CYP27A1: variants seen among roughly 807,000 people sequenced by gnomAD.
CYP27A1 encodes cytochrome P450 family 27 subfamily A member 1.
CYP27A1 carries 46 observed loss-of-function variants against 58.2 expected under a neutral mutation model. The observed-to-expected ratio is 0.79, with a 90% CI of 0.62 to 1.01. The LOEUF (loss-of-function observed/expected upper bound fraction) is 1.01, where lower values mean the gene tolerates loss of function less well. Among genes scored for constraint, CYP27A1 ranks in the 50% least tolerant of loss-of-function variants. The probability of loss-of-function intolerance (pLI) is 0.00; values close to 1 mark genes in which losing one functional copy is unlikely to be tolerated. For synonymous variants in CYP27A1, 274 were observed against 285.1 expected, an observed-to-expected ratio of 0.96 and a Z score of 0.39; for missense variants, 704 against 687.0, an observed-to-expected ratio of 1.02 and a Z score of -0.28.
chr2:218,800,461 T>G (rs1267092557), intron 1 of CYP27A1, among the ~76,000 whole-genome samples: 1 of 152,074 alleles, frequency 6.6e-6, no homozygotes, highest in Non-Finnish European at 1.5e-5. Context: ...CACATGACCA[T>G]GAGACAAGCA....
chr2:218,790,103 T>C (rs929955935), intron 1 of CYP27A1, among the ~76,000 whole-genome samples: 14 of 152,312 alleles, frequency 9.2e-5, no homozygotes, highest in African/African-American at 3.4e-4. Flanking sequence ...CAATTTCTCC[T>C]CTTTTGGTCA....
rs1024898619 is a variant in CYP27A1, at chr2:218,814,753, C to A, written c.1472C>A (p.Ala491Glu). 2 of 1,613,962 alleles carry A rather than the reference C, an allele frequency of 1.2e-6. No homozygotes were observed. The highest frequency in any genetic ancestry group is 1.7e-6 in the Non-Finnish European group (2 of 1,180,016). ...IAELEMQLLL[A>E]RLIQKYKVVL... ...GAGCTGGAGATGCAGCTACTCCTCG[C>A]AAGGGTGAGCTGGGAGAGGCTAGTA... The change falls in exon 8 of 9, where the codon GCA (alanine) becomes GAA (glutamate). Residue 491 changes from alanine (A) to glutamate (E), a missense_variant. Transcript: ENST00000258415.
chr2:218,797,492 A>G (rs1943558901), intron 1 of CYP27A1, among the ~76,000 whole-genome samples: 1 of 152,238 alleles, frequency 6.6e-6, no homozygotes, highest in Admixed American at 6.5e-5. Flanking sequence ...ACCAAGGTAT[A>G]ACCTAAAGAA....
At chr2:218,810,792 TAAC>T (rs1284769350) in intron 2 of CYP27A1, among the ~76,000 whole-genome samples, 1 of 152,096 alleles carries the variant, frequency 6.6e-6, no homozygotes, top group Non-Finnish European at 1.5e-5. Context: ...AATTTTCCCT[TAAC>T]ATAATAAAGG....
chr2:218,788,618 A>G (rs1943461769), intron 1 of CYP27A1, among the ~76,000 whole-genome samples: 1 of 152,216 alleles, frequency 6.6e-6, no homozygotes, highest in Admixed American at 6.5e-5. Flanking sequence ...GTAGAATCGT[A>G]TGGAAGAAAA....
chr2:218,794,200 C>G (rs1943524035), intron 1 of CYP27A1, among the ~76,000 whole-genome samples: 1 of 152,196 alleles, frequency 6.6e-6, no homozygotes, highest in South Asian at 2.1e-4. Flanking sequence ...GCGGACCAGT[C>G]GGAGTTTCTC....
intron 1 of CYP27A1, among the ~76,000 whole-genome samples, chr2:218,803,907 A>G (rs1409667625): frequency 6.7e-6 from 1 of 149,590 alleles, no homozygotes; most frequent in Non-Finnish European, 1.5e-5. Flanking sequence ...TAATTTTTGT[A>G]TTTTTAGTAG....
intron 1 of CYP27A1, among the ~76,000 whole-genome samples, chr2:218,807,658 C>G (rs188370414): frequency 4.6e-5 from 7 of 152,250 alleles, no homozygotes; most frequent in Admixed American, 4.6e-4. Context: ...ACTCTGTCAT[C>G]TAGGCTGGAG....
chr2:218,809,535 C>A, intron 1 of CYP27A1, 42 bp from the exon 2 acceptor site: 1 of 1,584,960 alleles, frequency 6.3e-7, no homozygotes, highest in Non-Finnish European at 8.6e-7. Context: ...GGAGCACCTG[C>A]CCAGCTTGGC....
chr2:218,812,851 T>G, intron 4 of CYP27A1, 73 bp from the exon 5 acceptor site: 1 of 1,608,386 alleles, frequency 6.2e-7, no homozygotes, highest in Non-Finnish European at 8.5e-7. Flanking sequence ...CTACCAGTTG[T>G]CGGAGTGGCT....
At chr2:218,790,856 C>G (rs956029093) in intron 1 of CYP27A1, among the ~76,000 whole-genome samples, 10 of 152,068 alleles carry the variant, frequency 6.6e-5, no homozygotes, top group African/African-American at 2.2e-4. Context: ...CGCCACCACT[C>G]CCGGCTATAT....
At chr2:218,808,044 G>A (rs1410518007) in intron 1 of CYP27A1, among the ~76,000 whole-genome samples, 2 of 151,980 alleles carry the variant, frequency 1.3e-5, no homozygotes, top group Non-Finnish European at 2.9e-5. Context: ...ATCTATCTTG[G>A]ATATCTTTCT....
rs767761739 is a variant in CYP27A1, at chr2:218,782,451, G to C, written c.255+14G>C. 6.2e-7 allele frequency: 1 copy of C among 1,614,124 alleles called. No homozygotes were observed. The highest frequency in any genetic ancestry group is 2.2e-5 in the East Asian group (1 of 44,882). ...CACCAGTTACAGGTAACCCGCGGGG[G>C]CATCGCGTCCTGGGGATGGGAGTGG... On this transcript the variant is annotated intron_variant, in intron 1 of 8. Transcript: ENST00000258415. This position sits in a 1 kb window ranked among gnomAD's most constrained non-coding sequence, Gnocchi z 4.1.
At chr2:218,787,997 A>C (rs189734373) in intron 1 of CYP27A1, among the ~76,000 whole-genome samples, 3 of 152,334 alleles carry the variant, frequency 2.0e-5, no homozygotes, top group Non-Finnish European at 2.9e-5. Context: ...TATAGTCATA[A>C]TTTTGTGTGT....
chr2:218,790,679 C>T (rs535748890), intron 1 of CYP27A1, among the ~76,000 whole-genome samples: 9 of 151,960 alleles, frequency 5.9e-5, no homozygotes, highest in Non-Finnish European at 1.3e-4. Context: ...GAGAGCCTAT[C>T]ATGAGGGATA....
chr2:218,802,949 A>T (rs571159549), intron 1 of CYP27A1, among the ~76,000 whole-genome samples: 50 of 152,156 alleles, frequency 3.3e-4, no homozygotes, highest in Non-Finnish European at 5.1e-4. Context: ...TTAATTAATT[A>T]ATTTATTTAT....
chr2:218,798,700 T>G (rs149138270), intron 1 of CYP27A1, among the ~76,000 whole-genome samples: 1 of 152,070 alleles, frequency 6.6e-6, no homozygotes, highest in South Asian at 2.1e-4. Context: ...CTGGGCAACA[T>G]GGCGAAACCC....
At position 218,814,105 on chromosome 2, in the gene CYP27A1, G is replaced by T. The variant is rs145722193; in HGVS notation, c.1102G>T (p.Val368Leu). 1.5e-4 allele frequency: 237 copies of T among 1,614,270 alleles called. 1 individual carries two copies. The African/African-American group carries it at 2.5e-3, about 17-fold the overall frequency. ...GGCCTTGCACGAGGAAGTGGTGGGT[G>T]TGGTGCCAGCCGGGCAAGTGCCCCA... ...QEALHEEVVGVVPAGQVPQHK... is the reference protein window; with the variant it reads ...QEALHEEVVGLVPAGQVPQHK... Residue 368 changes from valine (V) to leucine (L), a missense_variant, in exon 6 of 9, where the codon GTG becomes TTG. By Grantham distance (32) the Val-to-Leu change is conservative (BLOSUM62 1). Coordinates refer to ENST00000258415, the MANE Select transcript of CYP27A1 (RefSeq NM_000784.4).
chr2:218,804,303 C>G (rs1044368804), intron 1 of CYP27A1, among the ~76,000 whole-genome samples: 1 of 152,188 alleles, frequency 6.6e-6, no homozygotes, highest in Non-Finnish European at 1.5e-5. Context: ...AAGAGACTTT[C>G]TTTCCCCATT....
Sources: gnomAD v4.1 joint callset for allele counts (sites outside exome capture counted in the v4.1 genomes callset) on GRCh38, gnomAD v4.1.1 for gene constraint, Gnocchi (gnomAD v3.1) non-coding constraint, MANE v1.5 for transcripts, NCBI Gene and HGNC (gene_info 2026-07-23, HGNC 2026-07-21) for gene names.